Variants in ZDHHC7 observed in about 807,000 individuals in gnomAD.
ZDHHC7 encodes the protein palmitoyltransferase ZDHHC7.
In ZDHHC7, 12 loss-of-function variants were observed where a neutral mutation model predicts 34.1. That is an observed-to-expected ratio of 0.35 (90% CI 0.23 to 0.57). The LOEUF is 0.57. Ranked by LOEUF, ZDHHC7 falls within the 20% of genes least tolerant of loss-of-function variation. The probability of loss-of-function intolerance (pLI) is 0.84; values close to 1 mark genes in which losing one functional copy is unlikely to be tolerated. For missense variants in ZDHHC7, 388 were observed against 402.7 expected (o/e 0.96, Z 0.31); for synonymous variants, 185 against 155.4 (o/e 1.19, Z -1.42).
At chr16:84,998,748 C>CATTTTTTTTTTT (rs2072616327) in intron 1 of ZDHHC7, among the ~76,000 whole-genome samples, 1 of 143,988 alleles carries the variant, frequency 6.9e-6, no homozygotes. Context: ...CCCTTCTGAA[C>CATTTTTTTTTTT]CTTTTTTTTT....
chr16:84,983,065 C>A (rs1468122552), intron 3 of ZDHHC7, among the ~76,000 whole-genome samples: 1 of 152,204 alleles, frequency 6.6e-6, no homozygotes, highest in Non-Finnish European at 1.5e-5. Flanking sequence ...AATAGGCAGA[C>A]CTGCCTGGGG....
chr16:84,994,608 C>T (rs972279664), intron 2 of ZDHHC7, among the ~76,000 whole-genome samples: 3 of 152,172 alleles, frequency 2.0e-5, no homozygotes, highest in East Asian at 3.9e-4. Context: ...AAGACCTCCA[C>T]GGAGTGCAGG....
the ZDHHC7 span, among the ~76,000 whole-genome samples, chr16:85,023,036 T>A: frequency 6.6e-6 from 1 of 152,166 alleles, no homozygotes; most frequent in Admixed American, 6.5e-5. Flanking sequence ...AGGTGGCCTC[T>A]AGAAGCCAGA....
chr16:85,011,991 C>A (rs1484318506), upstream of ZDHHC7, among the ~76,000 whole-genome samples: 1 of 152,188 alleles, frequency 6.6e-6, no homozygotes, highest in African/African-American at 2.4e-5. Flanking sequence ...CTCCTGAGGT[C>A]CGCGGAGCCC....
At chr16:84,995,713 C>T (rs2072568401) in intron 2 of ZDHHC7, among the ~76,000 whole-genome samples, 1 of 152,178 alleles carries the variant, frequency 6.6e-6, no homozygotes, top group African/African-American at 2.4e-5. Context: ...TGGCCAAGAA[C>T]TCATCAATTC....
chr16:85,016,171 C>A (rs1740289565), upstream of ZDHHC7, among the ~76,000 whole-genome samples: 1 of 152,006 alleles, frequency 6.6e-6, no homozygotes, highest in African/African-American at 2.4e-5. Context: ...ATTTTTTTAA[C>A]TTTTTAAATT....
Position 84,975,479 on chromosome 16 carries a change from A to G in ZDHHC7, c.*864T>C, listed in dbSNP as rs2072283216. The G allele has an allele frequency of 6.6e-6, 1 of 152,514 alleles. No individual in the cohort carries two copies. Among genetic ancestry groups the G allele is most frequent in the Non-Finnish European group, 1.5e-5 (1 of 68,010 alleles). The allele number at this position is 152,514 out of a possible 1,614,324, so 9.4% of individuals were successfully genotyped here. ...AAAAAAAATCAGTTCCAAGGCCCTC[A>G]AGCACTCAAGATTTCTTTAAAAAAT... On this transcript the variant is annotated 3_prime_UTR_variant, in exon 8 of 8. Transcript: ENST00000313732.
intron 1 of ZDHHC7, among the ~76,000 whole-genome samples, chr16:85,007,275 T>C (rs9937920): frequency 0.16 from 24,848 of 151,332 alleles, 2,155 homozygotes; most frequent in Middle Eastern, 0.21. Context: ...ATACAAAAAT[T>C]AGCCGGGCAT....
chr16:85,007,933 G>C (rs549733805), intron 1 of ZDHHC7, among the ~76,000 whole-genome samples: 31 of 151,964 alleles, frequency 2.0e-4, no homozygotes, highest in Non-Finnish European at 4.1e-4. Flanking sequence ...GACCAGCCTG[G>C]GTATCATAGT....
rs768615206 is a variant in ZDHHC7 at position 84,981,975 on chromosome 16, T to C, written c.335A>G (p.Asn112Ser). Residue 112 changes from asparagine to serine, a missense_variant, in exon 4 of 8, where the codon AAC becomes AGC. Transcript: ENST00000313732. ...GCTCTCCATGTATTCTTTCGTAGCG[T>C]TTCCTTTGGGTACTGCCCCCTACCA... ...LTDPGAVPKG[N>S]ATKEYMESLQ... 2 of 1,614,148 alleles carry C rather than the reference T, an allele frequency of 1.2e-6. No individual in the cohort carries two copies. The highest frequency in any genetic ancestry group is 3.3e-5 in the Admixed American group (2 of 60,014).
At chr16:85,012,427 T>G (rs1033770063), upstream of ZDHHC7, among the ~76,000 whole-genome samples, 2 of 145,938 alleles carry the variant, frequency 1.4e-5, no homozygotes, top group African/African-American at 5.1e-5. Context: ...AAATTATGAC[T>G]CTCACACAAA....
chr16:85,014,376 T>C (rs1170186318), upstream of ZDHHC7, among the ~76,000 whole-genome samples: 1 of 152,226 alleles, frequency 6.6e-6, no homozygotes, highest in African/African-American at 2.4e-5. Flanking sequence ...GTTACAACAA[T>C]CTGATTCGTC....
At chr16:84,988,943 G>A (rs1261799515) in intron 3 of ZDHHC7, 6 of 1,464,372 alleles carry the variant, frequency 4.1e-6, no homozygotes, top group Admixed American at 2.0e-5. Context: ...CTCCTTTGTC[G>A]AAGTGCCTGG....
the ZDHHC7 span, among the ~76,000 whole-genome samples, chr16:85,026,024 T>A: frequency 2.6e-5 from 4 of 152,230 alleles, no homozygotes; most frequent in Non-Finnish European, 5.9e-5. Flanking sequence ...GGTCATGTAA[T>A]CTGCCTCTCT....
intron 3 of ZDHHC7, among the ~76,000 whole-genome samples, chr16:84,983,531 G>C (rs1242618837): frequency 2.0e-5 from 3 of 152,132 alleles, no homozygotes; most frequent in Non-Finnish European, 4.4e-5. Flanking sequence ...TGTGAGTGTT[G>C]ACTGCCCAAA....
At chr16:85,010,525 T>A (rs2072776888) in intron 1 of ZDHHC7, among the ~76,000 whole-genome samples, 1 of 152,134 alleles carries the variant, frequency 6.6e-6, no homozygotes, top group East Asian at 1.9e-4. Context: ...CTAAGCAGAC[T>A]GAAAATGCAA....
At chr16:85,021,773 TAAG>T in the ZDHHC7 span, among the ~76,000 whole-genome samples, 1 of 140,200 alleles carries the variant, frequency 7.1e-6, no homozygotes, top group African/African-American at 2.7e-5. Context: ...GAGGAGGAGA[TAAG>T]GAGAGGAGAG....
In ZDHHC7 at chr16:84,976,398, C is replaced by G. The variant is rs760300429; in HGVS notation, c.872G>C (p.Arg291Pro). The G allele has an allele frequency of 1.2e-6, 2 of 1,614,132 alleles. No individual in the cohort carries two copies. Among genetic ancestry groups the G allele is most frequent in the Non-Finnish European group, 1.7e-6 (2 of 1,180,006 alleles). ...GGGTCTCGTGGGCAGTCGCCTAAAT[C>G]GGAAGCCCACAAAGGGATTCATCCA... is the stretch of plus-strand genomic sequence containing the variant. Reference protein sequence around the residue: ...LLWMNPFVGFRFRRLPTRPRK... With the variant: ...LLWMNPFVGFPFRRLPTRPRK... Residue 291 changes from arginine to proline, a missense_variant, in exon 8 of 8, where the codon CGA (arginine) becomes CCA (proline). By Grantham distance (103) the Arg-to-Pro change is moderately radical. Transcript: ENST00000313732.
chr16:84,977,038 T>A, intron 7 of ZDHHC7, 57 bp downstream of exon 7: 1 of 1,602,066 alleles, frequency 6.2e-7, no homozygotes, highest in Non-Finnish European at 8.5e-7. Context: ...TTAGGACTTT[T>A]CATTTACTCA....
Sources: gnomAD v4.1 joint callset for allele counts (sites outside exome capture counted in the v4.1 genomes callset) on GRCh38, gnomAD v4.1.1 for gene constraint, MANE v1.5 for transcripts, NCBI Gene and HGNC (gene_info 2026-07-23, HGNC 2026-07-21) for gene names.